The following OPN3 variants were observed in gnomAD, a reference collection of about 807,000 sequenced individuals.
OPN3 encodes the protein opsin-3.
Under a neutral mutation model 33.8 loss-of-function variants are expected in OPN3, and 29 were observed. The observed-to-expected ratio is 0.86, with a 90% confidence interval of 0.64 to 1.17. The LOEUF (loss-of-function observed/expected upper bound fraction) is 1.17. Among genes scored for constraint, OPN3 ranks in the 50% most tolerant of loss-of-function variants. OPN3 has a pLI of 0.00. For synonymous variants in OPN3, 216 were observed against 216.1 expected, an observed-to-expected ratio of 1.00 and a Z score of 0.00; for missense variants, 437 against 514.1, an observed-to-expected ratio of 0.85 and a Z score of 1.45.
chr1:241,634,158 C>G, intron 1 of OPN3: 1 of 1,613,642 alleles, frequency 6.2e-7, no homozygotes, highest in Non-Finnish European at 8.5e-7. Context: ...TCGTTTATTT[C>G]TGTTTCAGTA....
At chr1:241,595,171 A>T (rs1663464242) in intron 3 of OPN3, 1 of 153,300 alleles carries the variant, frequency 6.5e-6, no homozygotes, top group African/African-American at 2.4e-5. Context: ...TTTCTATCGA[A>T]ATTACTAATC....
At chr1:241,614,441 A>T (rs1299311285) in intron 1 of OPN3, among the ~76,000 whole-genome samples, 1 of 151,940 alleles carries the variant, frequency 6.6e-6, no homozygotes, top group Non-Finnish European at 1.5e-5. Context: ...CATGCATTGC[A>T]TTTTTTTTCT....
At chr1:241,632,885 G>A (rs1664700814) in intron 1 of OPN3, 2 of 151,990 alleles carry the variant, frequency 1.3e-5, no homozygotes, top group South Asian at 2.1e-4. Flanking sequence ...TTTCTCCTTA[G>A]GAATTCCTAA....
intron 1 of OPN3, chr1:241,634,034 G>C (rs45534741): frequency 6.2e-7 from 1 of 1,613,610 alleles, no homozygotes; most frequent in Non-Finnish European, 8.5e-7. Context: ...GTCAGGCCCA[G>C]AGCAGACATA....
intron 3 of OPN3, chr1:241,595,202 T>C (rs1337997206): frequency 2.0e-5 from 3 of 153,448 alleles, no homozygotes; most frequent in East Asian, 3.8e-4. Context: ...AAAAATACTA[T>C]AGCAGACAGC....
At chr1:241,623,235 A>AT (rs1268762455) in intron 1 of OPN3, among the ~76,000 whole-genome samples, 2 of 152,054 alleles carry the variant, frequency 1.3e-5, no homozygotes, top group Non-Finnish European at 2.9e-5. Flanking sequence ...TTTCTCTTCC[A>AT]TTTTTGCAGT....
intron 1 of OPN3, among the ~76,000 whole-genome samples, chr1:241,620,036 G>A (rs1487431207): frequency 6.6e-6 from 1 of 151,950 alleles, no homozygotes; most frequent in African/African-American, 2.4e-5. Context: ...CAGATGTTAA[G>A]TGCCAGAGGA....
At chr1:241,611,017 A>C (rs568557618) in intron 1 of OPN3, among the ~76,000 whole-genome samples, 1 of 152,330 alleles carries the variant, frequency 6.6e-6, no homozygotes, top group South Asian at 2.1e-4. Context: ...GAATAGTTGA[A>C]TATCTTGGAG....
Position 241,640,163 on chromosome 1 carries a change from C to G in OPN3, c.92G>C (p.Ser31Thr). The G allele has an allele frequency of 6.8e-7, 1 of 1,477,456 alleles. No homozygotes were observed. Among genetic ancestry groups the G allele is most frequent in the South Asian group, 1.3e-5 (1 of 74,440 alleles). 91.5% of individuals were successfully genotyped at this position (1,477,456 alleles called of 1,614,324 possible). Residue 31 changes from serine to threonine, a missense_variant, in exon 1 of 4, where the codon AGC becomes ACC. Transcript: ENST00000366554. ...AEGPAPAGTL[S>T]PAPLFSPGTY... ...GCCGGGGCTGAAGAGGGGCGCGGGG[C>G]TCAGTGTCCCCGCCGGCGCCGGCCC...
At chr1:241,618,494 C>G (rs1257705634) in intron 1 of OPN3, among the ~76,000 whole-genome samples, 4 of 152,200 alleles carry the variant, frequency 2.6e-5, no homozygotes, top group Non-Finnish European at 5.9e-5. Context: ...GCTCAATTCC[C>G]AGGTTTTCCT....
chr1:241,607,407 C>T (rs187777248), intron 1 of OPN3, among the ~76,000 whole-genome samples: 8 of 151,928 alleles, frequency 5.3e-5, no homozygotes, highest in Middle Eastern at 3.4e-3. Flanking sequence ...CCCAGCTACT[C>T]GGAGGCTGAG....
At chr1:241,621,229 A>G (rs979510330) in intron 1 of OPN3, among the ~76,000 whole-genome samples, 5 of 152,156 alleles carry the variant, frequency 3.3e-5, no homozygotes, top group African/African-American at 1.2e-4. Context: ...AAAAGCTTTT[A>G]AGTAAATTAC....
chr1:241,636,352 T>C (rs1664897475), intron 1 of OPN3, among the ~76,000 whole-genome samples: 1 of 152,258 alleles, frequency 6.6e-6, no homozygotes. Context: ...TCTCTAACTT[T>C]AGCTTTTAAG....
chr1:241,594,383 T>C lies in OPN3; in HGVS notation c.*45A>G, dbSNP rs758675307. 4 of 1,582,488 alleles carry C rather than the reference T, an allele frequency of 2.5e-6. No homozygotes were observed. The Admixed American group carries it at 6.9e-5, about 27-fold the overall frequency. On this transcript the variant is annotated 3_prime_UTR_variant, in exon 4 of 4. Transcript: ENST00000366554. ...ACTTCTTATGATGAAAGTCCAAAAG[T>C]GGCATCCAATTTAAGGCCCCATCTT...
At chr1:241,599,663 G>A (rs1663628414) in intron 2 of OPN3, among the ~76,000 whole-genome samples, 1 of 152,016 alleles carries the variant, frequency 6.6e-6, no homozygotes, top group Admixed American at 6.6e-5. Flanking sequence ...TTATAGGAAG[G>A]CTGTGGGGTT....
Position 241,604,469 on chromosome 1 carries a change from AGATGTAGGTAATGGCC to A in OPN3, c.468_483del (p.Arg156SerfsTer26). On this transcript the variant is annotated frameshift_variant, in exon 2 of 4. Transcript: ENST00000366554. LOFTEE classifies it high-confidence loss of function. ...CCTGCCCACGCCAGTGAGTAGAGCC[AGATGTAGGTAATGGCC>A]CTCCAGGCCCAGGAAAAATTGATCA... is the stretch of plus-strand genomic sequence containing the variant. 2 of 1,614,188 alleles carry A rather than the reference AGATGTAGGTAATGGCC, an allele frequency of 1.2e-6. No homozygotes were observed. Among genetic ancestry groups the A allele is most frequent in the Non-Finnish European group, 1.7e-6 (2 of 1,180,034 alleles).
chr1:241,623,243 A>G (rs1664316459), intron 1 of OPN3, among the ~76,000 whole-genome samples: 1 of 152,148 alleles, frequency 6.6e-6, no homozygotes. Context: ...CCATTTTTGC[A>G]GTACTCTCAT....
In OPN3 at chr1:241,634,291, T is replaced by A. The variant is rs1410852202; in HGVS notation, c.373+5591A>T. The stretch of plus-strand genomic sequence containing the variant: ...ATGTCATGGTTGAAGAACATAATTC[T>A]GTGACCCGTACAGCACAAGCTCCTG... On this transcript the variant is annotated intron_variant, in intron 1 of 3. Coordinates refer to ENST00000366554, the MANE Select transcript of OPN3 (RefSeq NM_014322.3). The A allele has an allele frequency of 1.9e-6, 3 of 1,613,992 alleles. No individual in the cohort carries two copies. The East Asian group carries it at 6.7e-5, about 36-fold the overall frequency.
chr1:241,608,221 T>G (rs1663893233), intron 1 of OPN3, among the ~76,000 whole-genome samples: 1 of 152,252 alleles, frequency 6.6e-6, no homozygotes, highest in South Asian at 2.1e-4. Context: ...ATTGCACTGT[T>G]GTAAATTAGT....
Sources: gnomAD v4.1 joint callset for allele counts (sites outside exome capture counted in the v4.1 genomes callset) on GRCh38, gnomAD v4.1.1 for gene constraint, MANE v1.5 for transcripts, NCBI Gene and HGNC (gene_info 2026-07-23, HGNC 2026-07-21) for gene names.